MMP2: variants seen among roughly 807,000 people sequenced by gnomAD.
MMP2 encodes matrix metallopeptidase 2.
In MMP2, 39 loss-of-function variants were observed where a neutral mutation model predicts 74.8. The ratio of observed to expected loss-of-function variants is 0.52; its 90% CI spans 0.40 to 0.68. The LOEUF is 0.68. Among genes scored for constraint, MMP2 ranks in the 30% least tolerant of loss-of-function variants. MMP2 has a pLI of 0.00. For synonymous variants in MMP2, 367 were observed against 339.8 expected, an observed-to-expected ratio of 1.08 and a Z score of -0.88; for missense variants, 803 against 878.3, an observed-to-expected ratio of 0.91 and a Z score of 1.08.
intron 5 of MMP2, chr16:55,487,658 GT>G (rs1962292851): frequency 6.6e-6 from 1 of 152,334 alleles, no homozygotes; most frequent in Non-Finnish European, 1.5e-5. Flanking sequence ...TGGACTTGTG[GT>G]TTTGCTGGTT....
intron 12 of MMP2, among the ~76,000 whole-genome samples, chr16:55,504,580 C>G (rs778889511): frequency 6.6e-6 from 1 of 151,868 alleles, no homozygotes; most frequent in Non-Finnish European, 1.5e-5. Flanking sequence ...GGGGGCTCTT[C>G]TGGGCTTTTG....
Position 55,479,571 on chromosome 16 carries a change from C to A in MMP2, c.92C>A (p.Pro31Gln). 1 of 1,613,460 alleles carries A rather than the reference C, an allele frequency of 6.2e-7. No individual in the cohort carries two copies. The highest frequency in any genetic ancestry group is 8.5e-7 in the Non-Finnish European group (1 of 1,179,976). ...CTGCTGAGCCACGCCGCCGCCGCGCCGTCGCCCATCATCAAGTTCCCCGGC... is the reference window on the plus strand; with the variant it reads ...CTGCTGAGCCACGCCGCCGCCGCGCAGTCGCCCATCATCAAGTTCCCCGGC... The part of the protein sequence containing the change: ...GCLLSHAAAA[P>Q]SPIIKFPGDV... The change falls in exon 1 of 13, where the codon CCG (proline) becomes CAG (glutamine). Residue 31 changes from proline (P) to glutamine (Q), a missense_variant. Transcript: ENST00000219070.
chr16:55,499,562 T>C (rs1307358279), intron 11 of MMP2, among the ~76,000 whole-genome samples: 1 of 152,170 alleles, frequency 6.6e-6, no homozygotes, highest in African/African-American at 2.4e-5. Context: ...GGTCCAGTTC[T>C]GAGGGGCTAT....
At chr16:55,481,798 C>A in intron 1 of MMP2, 1 of 729,776 alleles carries the variant, frequency 1.4e-6, no homozygotes, top group Admixed American at 1.9e-5. Context: ...AGTGACTTCT[C>A]AGTTTCTTCA....
At chr16:55,479,887 CAG>C (rs1962052991) in intron 1 of MMP2, 2 of 512,790 alleles carry the variant, frequency 3.9e-6, no homozygotes, top group Admixed American at 3.5e-5. Flanking sequence ...AAAAACAAGC[CAG>C]AGAGTGGGAG....
At chr16:55,495,746 CA>C (rs1390105530) in intron 9 of MMP2, among the ~76,000 whole-genome samples, 1 of 152,130 alleles carries the variant, frequency 6.6e-6, no homozygotes, top group Admixed American at 6.5e-5. Context: ...GTACAAAGTC[CA>C]GGGGTAGAGC....
chr16:55,493,854 C>T (rs1245284067), intron 9 of MMP2, among the ~76,000 whole-genome samples: 2 of 152,202 alleles, frequency 1.3e-5, no homozygotes. Flanking sequence ...CCAAATTACT[C>T]TGTGTATGGG....
chr16:55,485,897 T>A (rs1962236604), intron 5 of MMP2, 120 bp downstream of exon 5: 5 of 1,040,782 alleles, frequency 4.8e-6, no homozygotes, highest in Admixed American at 1.8e-5. Flanking sequence ...TTAATGAGCA[T>A]CCCTCCAACG....
In MMP2 at chr16:55,498,465, G is replaced by C; in HGVS notation, c.1769+17G>C. The C allele has an allele frequency of 6.2e-7, 1 of 1,614,072 alleles. No individual in the cohort carries two copies. The highest frequency in any genetic ancestry group is 8.5e-7 in the Non-Finnish European group (1 of 1,179,986). On this transcript the variant is annotated intron_variant, in intron 11 of 12. Transcript: ENST00000219070. ...ATTCTGGAGGTAAGGGAGGGCGGTG[G>C]GTAGGACAGCAGCACAGTTGGCTGC...
intron 7 of MMP2, among the ~76,000 whole-genome samples, chr16:55,491,004 C>A (rs959599758): frequency 6.6e-6 from 1 of 151,936 alleles, no homozygotes; most frequent in Non-Finnish European, 1.5e-5. Flanking sequence ...CTGAAGGATG[C>A]GTCACTCCAG....
chr16:55,503,783 CTG>C (rs1355129669), intron 12 of MMP2, among the ~76,000 whole-genome samples: 11 of 152,156 alleles, frequency 7.2e-5, no homozygotes, highest in Admixed American at 4.6e-4. Context: ...ACTGTGGAGT[CTG>C]TGCGGAATCA....
chr16:55,500,521 A>ACACACACACACACACG (rs1555493265), intron 11 of MMP2, among the ~76,000 whole-genome samples: 12 of 151,834 alleles, frequency 7.9e-5, no homozygotes, highest in African/African-American at 2.9e-4. Flanking sequence ...ACACACACAC[A>ACACACACACACACACG]CACACACACA....
At position 55,498,257 on chromosome 16, in the gene MMP2, A is replaced by G. The variant is rs1596824902; in HGVS notation, c.1610-32A>G. 5 of 1,612,848 alleles carry G rather than the reference A, an allele frequency of 3.1e-6. No homozygotes were observed. The Admixed American group carries it at 6.7e-5, about 22-fold the overall frequency. On this transcript the variant is annotated intron_variant, in intron 10 of 12. Transcript: ENST00000219070. ...ACAGGCTGGCCTAGGGCATGTCAGC[A>G]CCAGCCAACACACCCTTTGCTTCCA...
intron 5 of MMP2, chr16:55,486,889 C>G (rs919585635): frequency 6.6e-6 from 1 of 152,162 alleles, no homozygotes; most frequent in African/African-American, 2.4e-5. Flanking sequence ...AACTAAGCAC[C>G]AACCATCTTG....
intron 9 of MMP2, among the ~76,000 whole-genome samples, chr16:55,494,101 C>A (rs1322116620): frequency 2.6e-5 from 4 of 152,172 alleles, no homozygotes; most frequent in Non-Finnish European, 5.9e-5. Context: ...AGCCAGCCAG[C>A]CATCTATTAT....
chr16:55,481,435 G>T (rs1596805803), intron 1 of MMP2: 1 of 166,470 alleles, frequency 6.0e-6, no homozygotes, highest in Non-Finnish European at 1.3e-5. Flanking sequence ...TTGCAGTCTT[G>T]GTTTGGGTGG....
chr16:55,482,385 A>T (rs1377145569), intron 1 of MMP2, among the ~76,000 whole-genome samples: 2 of 152,170 alleles, frequency 1.3e-5, no homozygotes, highest in African/African-American at 4.8e-5. Context: ...AAACAGGAGG[A>T]AAAAAGTCCC....
chr16:55,488,769 A>G lies in MMP2; in HGVS notation c.1006+53A>G, dbSNP rs1197947490. On this transcript the variant is annotated intron_variant, in intron 6 of 12. Transcript: ENST00000219070. ...AGGGCCCAGCACCTGCTGTCTGACA[A>G]AAAAAAAACCCATAAGACTCCGAGT... 14 of 1,534,884 alleles carry G rather than the reference A, an allele frequency of 9.1e-6. No homozygotes were observed. In the East Asian group the frequency reaches 3.4e-4, roughly 38 times the overall value.
At chr16:55,489,876 A>G in intron 7 of MMP2, 52 bp downstream of exon 7, 1 of 1,593,252 alleles carries the variant, frequency 6.3e-7, no homozygotes, top group Non-Finnish European at 8.5e-7. Context: ...CCTTGCCCCT[A>G]AACTTGCTCC....
Sources: allele counts gnomAD v4.1 joint callset (sites outside exome capture counted in the v4.1 genomes callset), GRCh38; gene constraint gnomAD v4.1.1; transcripts MANE v1.5; gene names NCBI Gene and HGNC (gene_info 2026-07-23, HGNC 2026-07-21).